Variants in NCAM1 observed in about 807,000 individuals in gnomAD.
NCAM1 encodes neural cell adhesion molecule 1, also known as antigen recognized by monoclonal antibody 5.1H11.
A neutral mutation model predicts 109.8 loss-of-function variants in NCAM1; 14 were observed. That is an observed-to-expected ratio of 0.13 (90% CI 0.08 to 0.20). NCAM1 has a LOEUF of 0.20. NCAM1 is among the 10% of genes least tolerant of loss of function. The pLI, the probability that NCAM1 is intolerant of heterozygous loss-of-function variation, is 1.00. For synonymous variants in NCAM1, 418 were observed against 442.9 expected, an observed-to-expected ratio of 0.94 and a Z score of 0.70; for missense variants, 774 against 1,109.9, an observed-to-expected ratio of 0.70 and a Z score of 4.30.
chr11:113,185,079 T>TATATATAGAGAGAGAGAG, intron 1 of NCAM1, among the ~76,000 whole-genome samples: 6 of 125,744 alleles, frequency 4.8e-5, no homozygotes, highest in East Asian at 5.7e-4. Flanking sequence ...TATATATATA[T>TATATATAGAGAGAGAGAG]AGAGAGAGAG....
At chr11:113,036,683 C>A (rs531620955) in intron 1 of NCAM1, among the ~76,000 whole-genome samples, 1 of 152,140 alleles carries the variant, frequency 6.6e-6, no homozygotes, top group Non-Finnish European at 1.5e-5. Flanking sequence ...TTCCTTGGAG[C>A]CCTTTGCTAT....
rs1368120486 is a variant in NCAM1 at position 113,244,603 on chromosome 11, C to T, written c.1826-1765C>T. On this transcript the variant is annotated intron_variant, in intron 14 of 19. Coordinates refer to ENST00000316851, the MANE Select transcript of NCAM1 (RefSeq NM_181351.5). ...TGTGAATATCCATCGATCATCAATC[C>T]ATCAGTGGGGTTGAAAATACATATC... Among the ~76,000 whole-genome samples, 5 of 152,008 alleles carry T rather than the reference C, an allele frequency of 3.3e-5. No homozygotes were observed. In the East Asian group the frequency reaches 9.7e-4, roughly 29 times the overall value.
At chr11:113,225,131 C>A (rs1944804584) in intron 9 of NCAM1, among the ~76,000 whole-genome samples, 1 of 152,200 alleles carries the variant, frequency 6.6e-6, no homozygotes, top group Non-Finnish European at 1.5e-5. Context: ...GATCAAACTT[C>A]TCCGAGCTAA....
rs1477769148 is a variant in NCAM1, at chr11:112,962,549, T to C, written c.52+885T>C. Among the ~76,000 whole-genome samples, 1 of 151,980 alleles carries C rather than the reference T, an allele frequency of 6.6e-6. No homozygotes were observed. The highest frequency in any genetic ancestry group is 2.4e-5 in the African/African-American group (1 of 41,368). The stretch of plus-strand genomic sequence containing the variant: ...GCCCGAAACACCTCGCCCTGTCTCC[T>C]TTCTTTGGGCGAGGTTCCCGATCCT... On this transcript the variant is annotated intron_variant, in intron 1 of 19. Transcript: ENST00000316851. This position sits in a 1 kb window ranked among gnomAD's most constrained non-coding sequence, Gnocchi z 5.6.
At chr11:112,988,852 A>T (rs1951385543) in intron 1 of NCAM1, among the ~76,000 whole-genome samples, 1 of 150,088 alleles carries the variant, frequency 6.7e-6, no homozygotes, top group African/African-American at 2.5e-5. Context: ...GGTTCAAGTG[A>T]TTCTCATCCC....
At chr11:113,267,309 T>G (rs1392979993) in intron 17 of NCAM1, among the ~76,000 whole-genome samples, 1 of 152,134 alleles carries the variant, frequency 6.6e-6, no homozygotes, top group Non-Finnish European at 1.5e-5. Context: ...GGGTACCTGC[T>G]GGGATGTCCT....
intron 9 of NCAM1, among the ~76,000 whole-genome samples, chr11:113,224,079 G>C (rs557408576): frequency 1.3e-5 from 2 of 152,358 alleles, no homozygotes; most frequent in East Asian, 3.9e-4. Context: ...CTGTCGGACA[G>C]TGGGTTCAGG....
At chr11:113,033,385 G>C (rs1387903278) in intron 1 of NCAM1, among the ~76,000 whole-genome samples, 1 of 152,142 alleles carries the variant, frequency 6.6e-6, no homozygotes, top group Non-Finnish European at 1.5e-5. Context: ...GGGTGGAGTT[G>C]GGGGTGCCCA....
rs1386467674 is a variant in NCAM1 at position 113,277,929 on chromosome 11, A to G, written c.*2542A>G. The G allele has an allele frequency of 7.8e-6, 1 of 129,026 alleles. No homozygotes were observed. Among genetic ancestry groups the G allele is most frequent in the African/African-American group, 3.0e-5 (1 of 33,702 alleles). The allele number at this position is 129,026 out of a possible 1,614,324, so 8.0% of individuals were successfully genotyped here. Reference sequence around the variant, plus strand: ...GAGTCATTTTATTCCAAGATGTTTTATCTTTTATGTTAAGAGATCAAAGCT... The same window carrying G: ...GAGTCATTTTATTCCAAGATGTTTTGTCTTTTATGTTAAGAGATCAAAGCT... On this transcript the variant is annotated 3_prime_UTR_variant, in exon 20 of 20. Coordinates refer to ENST00000316851, the MANE Select transcript of NCAM1 (RefSeq NM_181351.5).
chr11:113,048,332 T>C (rs373970013), intron 1 of NCAM1, among the ~76,000 whole-genome samples: 2 of 152,366 alleles, frequency 1.3e-5, no homozygotes, highest in East Asian at 3.9e-4. Flanking sequence ...TTTAACTCTT[T>C]ACAATATTCC....
intron 17 of NCAM1, among the ~76,000 whole-genome samples, chr11:113,266,965 G>A (rs940982866): frequency 1.1e-4 from 17 of 152,158 alleles, no homozygotes; most frequent in African/African-American, 4.1e-4. Context: ...CAGCCTTACA[G>A]CGTCCCTGCC....
chr11:113,021,741 C>T (rs1388969463), intron 1 of NCAM1, among the ~76,000 whole-genome samples: 2 of 152,202 alleles, frequency 1.3e-5, no homozygotes, highest in African/African-American at 2.4e-5. Context: ...TGTCATTTTG[C>T]ATGATTATAG....
chr11:113,039,722 A>T (rs1394816508), intron 1 of NCAM1, among the ~76,000 whole-genome samples: 1 of 152,236 alleles, frequency 6.6e-6, no homozygotes, highest in Non-Finnish European at 1.5e-5. Flanking sequence ...TTAGAGCTTC[A>T]TATGTATTTA....
At chr11:113,231,373 A>C in intron 9 of NCAM1, 1 of 1,368,032 alleles carries the variant, frequency 7.3e-7, no homozygotes, top group East Asian at 2.5e-5. Flanking sequence ...CCTAGCCCCA[A>C]ACCAATCTTG....
chr11:112,992,459 G>C (rs1231741290), intron 1 of NCAM1, among the ~76,000 whole-genome samples: 14 of 150,552 alleles, frequency 9.3e-5, no homozygotes, highest in Admixed American at 9.3e-4. Context: ...TATATACTGA[G>C]ATATCTCCTC....
At chr11:113,223,591 C>T (rs1555115693) in intron 9 of NCAM1, among the ~76,000 whole-genome samples, 2 of 152,208 alleles carry the variant, frequency 1.3e-5, no homozygotes, top group Non-Finnish European at 2.9e-5. Flanking sequence ...ACATTCATTT[C>T]TCTGCCTCTT....
intron 1 of NCAM1, among the ~76,000 whole-genome samples, chr11:113,065,791 A>C (rs1324245732): frequency 1.3e-5 from 2 of 152,202 alleles, no homozygotes; most frequent in Non-Finnish European, 2.9e-5. Context: ...CTGGAACAGA[A>C]GAAGGGTGGT....
chr11:113,271,668 G>A (rs1428276472), intron 18 of NCAM1, 92 bp from the exon 19 acceptor site: 22 of 887,750 alleles, frequency 2.5e-5, no homozygotes, highest in Middle Eastern at 4.5e-4. Context: ...GATGCCCACC[G>A]TGCCAGCCTT....
intron 1 of NCAM1, among the ~76,000 whole-genome samples, chr11:113,028,724 T>C (rs1304920643): frequency 2.0e-5 from 3 of 152,216 alleles, no homozygotes; most frequent in Non-Finnish European, 1.5e-5. Flanking sequence ...TCCTAAGTTA[T>C]CTGGGTAATT....
Sources: allele counts gnomAD v4.1 joint callset (sites outside exome capture counted in the v4.1 genomes callset), GRCh38; gene constraint gnomAD v4.1.1; non-coding constraint Gnocchi (gnomAD v3.1); transcripts MANE v1.5; gene names NCBI Gene and HGNC (gene_info 2026-07-23, HGNC 2026-07-21).